POLG: variants seen among roughly 807,000 people sequenced by gnomAD.
The protein encoded by POLG is DNA polymerase gamma, catalytic subunit, also known as DNA polymerase subunit gamma-1.
POLG carries 110 observed loss-of-function variants against 155.4 expected under a neutral mutation model. The ratio of observed to expected loss-of-function variants is 0.71; its 90% confidence interval spans 0.61 to 0.83. The LOEUF is 0.83. POLG is among the 40% of genes least tolerant of loss of function. The pLI, the probability that POLG is intolerant of heterozygous loss-of-function variation, is 0.00. For synonymous variants in POLG, 701 were observed against 631.5 expected (o/e 1.11, Z -1.65); for missense variants, 1,685 against 1,627.5 (o/e 1.04, Z -0.61).
chr15:89,321,992 G>A lies in POLG; in HGVS notation c.2450C>T (p.Pro817Leu). The change falls in exon 15 of 23, where the codon CCC (proline) becomes CTC (leucine). Residue 817 changes from proline (P) to leucine (L), a missense_variant. By Grantham distance (98) the Pro-to-Leu change is moderately conservative (BLOSUM62 -3). Coordinates refer to ENST00000268124, the MANE Select transcript of POLG (RefSeq NM_002693.3). Reference protein sequence around the residue: ...RISSQMVVWLPRSALPRAVIR... With the variant: ...RISSQMVVWLLRSALPRAVIR... ...CACAGCACGGGGCAGAGCTGACCTGGGCAGCCACACCACCATCTGGGAGCT... is the reference window on the plus strand; with the variant it reads ...CACAGCACGGGGCAGAGCTGACCTGAGCAGCCACACCACCATCTGGGAGCT... 6.2e-7 allele frequency: 1 copy of A among 1,614,112 alleles called. No individual in the cohort carries two copies. Among genetic ancestry groups the A allele is most frequent in the Non-Finnish European group, 8.5e-7 (1 of 1,179,996 alleles).
At chr15:89,332,955 G>T in intron 2 of POLG, 141 bp downstream of exon 2, 1 of 1,095,418 alleles carries the variant, frequency 9.1e-7, no homozygotes. Flanking sequence ...ACATAAACAG[G>T]GGTCTAGTCC....
At chr15:89,318,489 A>G (rs943900578) in intron 21 of POLG, 52 bp downstream of exon 21, 6 of 1,511,248 alleles carry the variant, frequency 4.0e-6, no homozygotes, top group Non-Finnish European at 5.5e-6. Context: ...CGCTCACCCA[A>G]AGCCCCACAT....
In POLG at chr15:89,325,057, AGAGTGAGTGAGTGAGT is replaced by A. The variant is rs1173555720; in HGVS notation, c.1949+377_1949+392del. Reference sequence around the variant, plus strand: ...CCCAGAGAGTGAGTGAGTGAGTGAGAGAGTGAGTGAGTGAGTGAGTGAGTGAGAGAGTGAGTGAGTG... The same window carrying A: ...CCCAGAGAGTGAGTGAGTGAGTGAGAGAGTGAGTGAGAGAGTGAGTGAGTG... On this transcript the variant is annotated intron_variant, in intron 10 of 22. Transcript: ENST00000268124. Among the ~76,000 whole-genome samples, 50 of 87,686 alleles carry A rather than the reference AGAGTGAGTGAGTGAGT, an allele frequency of 5.7e-4. 10 individuals carry two copies. The highest frequency in any genetic ancestry group is 5.0e-3 in the Middle Eastern group (1 of 202). 57.5% of individuals were successfully genotyped at this position (87,686 alleles called of 152,430 possible).
chr15:89,317,567 A>C (rs1470037020), intron 21 of POLG, 31 bp from the exon 22 acceptor site: 2 of 1,607,814 alleles, frequency 1.2e-6, no homozygotes, highest in Non-Finnish European at 1.7e-6. Context: ...TCTCACAGTC[A>C]TGCCCCTCCT....
intron 13 of POLG, among the ~76,000 whole-genome samples, chr15:89,323,112 C>T (rs1012202186): frequency 6.6e-6 from 1 of 152,256 alleles, no homozygotes; most frequent in African/African-American, 2.4e-5. Flanking sequence ...CACAAGCAAA[C>T]CTGGCTCCCT....
chr15:89,328,484 G>T lies in POLG; in HGVS notation c.1222C>A (p.Gln408Lys). 6.2e-7 allele frequency: 1 copy of T among 1,613,854 alleles called. No individual in the cohort carries two copies. The highest frequency in any genetic ancestry group is 8.5e-7 in the Non-Finnish European group (1 of 1,179,962). ...QDVWATHEVF[Q>K]QQLPLFLERC... ...TCCAAGAAGAGCGGTAGCTGCTGCT[G>T]GAAAACCTCATGGGTGGCCCACACG... Residue 408 changes from glutamine (Q) to lysine (K), a missense_variant, in exon 6 of 23, where the codon CAG becomes AAG. Around this residue, in one of 3 missense-constraint regions of POLG, gnomAD observed 1,210 missense variants for 1,167.1 expected, o/e 1.04. Coordinates refer to ENST00000268124, the MANE Select transcript of POLG (RefSeq NM_002693.3).
rs1299487054 is a variant in POLG, at chr15:89,320,992, T to A, written c.2755A>T (p.Met919Leu). ...GMHGCTAFGWMTLQGRKSRGT... is the reference protein window; with the variant it reads ...GMHGCTAFGWLTLQGRKSRGT... ...CTGCTCTTCCTGCCCTGCAGTGTCA[T>A]CCACCCAAAGGCTGTGCAGCCTGGA... Residue 919 changes from methionine (M) to leucine (L), a missense_variant, in exon 18 of 23, where the codon ATG becomes TTG. Met to Leu is a conservative substitution (Grantham distance 15). Transcript: ENST00000268124. The A allele has an allele frequency of 1.9e-6, 3 of 1,613,956 alleles. No homozygotes were observed. The highest frequency in any genetic ancestry group is 2.5e-6 in the Non-Finnish European group (3 of 1,180,028).
intron 18 of POLG, among the ~76,000 whole-genome samples, chr15:89,320,021 C>A (rs1469684175): frequency 6.6e-6 from 1 of 152,262 alleles, no homozygotes; most frequent in South Asian, 2.1e-4. Context: ...TCCACCAGCA[C>A]ACGCTGCTCA....
Position 89,327,244 on chromosome 15 carries a change from A to AT in POLG, c.1355dup (p.Tyr452Ter). The AT allele has an allele frequency of 6.2e-7, 1 of 1,614,190 alleles. No homozygotes were observed. Residue 452 changes from tyrosine to a stop codon, truncating the protein, a stop_gained and frameshift_variant, in exon 7 of 23, where the codon TAT becomes TAAT. Transcript: ENST00000268124. LOFTEE classifies it high-confidence loss of function. Reference sequence around the variant, plus strand: ...TCTTCATCTCCCGCTGGAGCTCCTCATAAGTGCCCTGTGCCTCTGCCAGGT... The same window carrying AT: ...TCTTCATCTCCCGCTGGAGCTCCTCATTAAGTGCCCTGTGCCTCTGCCAGGT... ...ERYLAEAQGT[Y>*]EELQREMKKS... is the part of the protein sequence containing the mutation.
chr15:89,326,541 A>G, intron 9 of POLG, 71 bp downstream of exon 9: 1 of 1,516,874 alleles, frequency 6.6e-7, no homozygotes, highest in Non-Finnish European at 9.1e-7. Flanking sequence ...GCCAGAACCC[A>G]GACCAGGGCT....
intron 14 of POLG, among the ~76,000 whole-genome samples, chr15:89,322,481 C>T (rs778396338): frequency 2.0e-5 from 3 of 152,238 alleles, no homozygotes; most frequent in Non-Finnish European, 4.4e-5. Context: ...CCATAGCCCA[C>T]GGCTCCAGCA....
chr15:89,318,866 C>T (rs1361859988), intron 20 of POLG, 65 bp downstream of exon 20: 1 of 1,589,092 alleles, frequency 6.3e-7, no homozygotes, highest in Non-Finnish European at 8.6e-7. Context: ...TGGTAAGGTC[C>T]ACAGGGAGCT....
intron 9 of POLG, 75 bp downstream of exon 9, chr15:89,326,537 A>AT (rs2055520012): frequency 3.9e-6 from 6 of 1,549,256 alleles, no homozygotes; most frequent in Admixed American, 3.4e-5. Context: ...CTGTGCCAGA[A>AT]CCCAGACCAG....
chr15:89,318,882 C>A, intron 20 of POLG, 49 bp downstream of exon 20: 1 of 1,605,084 alleles, frequency 6.2e-7, no homozygotes, highest in Non-Finnish European at 8.5e-7. Context: ...GAGCTCTGCC[C>A]TGCCCTCCCT....
In POLG at chr15:89,325,229, AGT is replaced by A. The variant is rs1461070404; in HGVS notation, c.1949+219_1949+220del. ...GAGAGAGTGAGTGAGTGAGAGAGTGAGTGAGAGAGTGAGTGAGTGAGAGAGAG... is the reference window on the plus strand; with the variant it reads ...GAGAGAGTGAGTGAGTGAGAGAGTGAGAGAGAGTGAGTGAGTGAGAGAGAG... On this transcript the variant is annotated intron_variant, in intron 10 of 22. Coordinates refer to ENST00000268124, the MANE Select transcript of POLG (RefSeq NM_002693.3). Among the ~76,000 whole-genome samples the A allele has an allele frequency of 1.6e-4, 17 of 105,126 alleles. 5 individuals are homozygous for A. The highest frequency in any genetic ancestry group is 7.2e-4 in the African/African-American group (16 of 22,218). 69.0% of individuals were successfully genotyped at this position (105,126 alleles called of 152,430 possible).
At chr15:89,329,191 G>C in intron 3 of POLG, 81 bp from the exon 4 acceptor site, 1 of 1,242,492 alleles carries the variant, frequency 8.0e-7, no homozygotes, top group Non-Finnish European at 1.1e-6. Context: ...TGGTGGTGTG[G>C]ACCTCCAGCC....
At chr15:89,325,034 C>CAGAGAGTGAGTGAGTGAGTGAGAGAGTG (rs2055452133) in intron 10 of POLG, among the ~76,000 whole-genome samples, 2 of 118,258 alleles carry the variant, frequency 1.7e-5, no homozygotes, top group African/African-American at 3.6e-5. Flanking sequence ...AACCTGAACC[C>CAGAGAGTGAGTGAGTGAGTGAGAGAGTG]AGAGAGTGAG....
In POLG at chr15:89,326,896, C is replaced by T. The variant is rs1359038800; in HGVS notation, c.1585+16G>A. On this transcript the variant is annotated intron_variant, in intron 8 of 22. Coordinates refer to ENST00000268124, the MANE Select transcript of POLG (RefSeq NM_002693.3). ...ACAACCCCTACCCTACCCTACCTCCCACCCATGCTCCCCACCTTCCTGATC... is the reference window on the plus strand; with the variant it reads ...ACAACCCCTACCCTACCCTACCTCCTACCCATGCTCCCCACCTTCCTGATC... The T allele has an allele frequency of 1.2e-6, 2 of 1,613,850 alleles. No homozygotes were observed. The highest frequency in any genetic ancestry group is 2.2e-5 in the East Asian group (1 of 44,880).
At chr15:89,323,070 C>T (rs758573419) in intron 13 of POLG, among the ~76,000 whole-genome samples, 168 bp from the exon 14 acceptor site, 4 of 152,254 alleles carry the variant, frequency 2.6e-5, no homozygotes, top group Non-Finnish European at 5.9e-5. Flanking sequence ...CACACACACA[C>T]GTGCACACAC....
Sources: gnomAD v4.1 joint callset for allele counts (sites outside exome capture counted in the v4.1 genomes callset) on GRCh38, gnomAD v4.1.1 for gene constraint, gnomAD v4.1.1 regional missense constraint, MANE v1.5 for transcripts, NCBI Gene and HGNC (gene_info 2026-07-23, HGNC 2026-07-21) for gene names.